Variants in IGF2BP2 observed in about 807,000 individuals in gnomAD.
IGF2BP2 encodes the protein insulin-like growth factor 2 mRNA-binding protein 2.
IGF2BP2 carries 17 observed loss-of-function variants against 75.8 expected under a neutral mutation model. That is an observed-to-expected ratio of 0.22 (90% CI 0.15 to 0.34). The LOEUF (loss-of-function observed/expected upper bound fraction) is 0.34. Among genes scored for constraint, IGF2BP2 ranks in the 10% least tolerant of loss-of-function variants. IGF2BP2 has a pLI of 1.00. For missense variants in IGF2BP2, 516 were observed against 772.4 expected, an observed-to-expected ratio of 0.67 and a Z score of 3.93; for synonymous variants, 288 against 295.6, an observed-to-expected ratio of 0.97 and a Z score of 0.26.
intron 12 of IGF2BP2, among the ~76,000 whole-genome samples, chr3:185,655,201 G>A (rs1226597267): frequency 1.3e-5 from 2 of 152,130 alleles, no homozygotes; most frequent in African/African-American, 2.4e-5. Context: ...GCGTGATCTC[G>A]GCTCACTGCA....
Position 185,812,680 on chromosome 3 carries a change from C to T in IGF2BP2, c.239+10473G>A, listed in dbSNP as rs544187616. Among the ~76,000 whole-genome samples the T allele has an allele frequency of 1.9e-3, 288 of 152,284 alleles. 3 individuals are homozygous for T. Among genetic ancestry groups the T allele is most frequent in the Non-Finnish European group, 3.5e-3 (236 of 68,016 alleles). On this transcript the variant is annotated intron_variant, in intron 2 of 15. Coordinates refer to ENST00000382199, the MANE Select transcript of IGF2BP2 (RefSeq NM_006548.6). ...AGCAAACCCCTTTTCTAAACCAAAT[C>T]TTAGACTCAACTCCAATTCTGTATA...
chr3:185,770,039 G>A (rs1268363971), intron 2 of IGF2BP2, among the ~76,000 whole-genome samples: 2 of 152,058 alleles, frequency 1.3e-5, no homozygotes, highest in East Asian at 1.9e-4. Flanking sequence ...GGGACCAGAG[G>A]CCCACACAAA....
At chr3:185,823,620 C>T (rs1052281457) in intron 1 of IGF2BP2, among the ~76,000 whole-genome samples, 30 of 152,170 alleles carry the variant, frequency 2.0e-4, no homozygotes, top group Admixed American at 1.8e-3. Context: ...CCCTCCCTGC[C>T]CTCTCCTCCC....
intron 2 of IGF2BP2, among the ~76,000 whole-genome samples, chr3:185,720,998 T>G (rs1224739356): frequency 6.6e-6 from 1 of 152,126 alleles, no homozygotes; most frequent in Non-Finnish European, 1.5e-5. Flanking sequence ...ACAAGTTGTG[T>G]GTGCACACGC....
At chr3:185,696,264 C>A (rs919928128) in intron 4 of IGF2BP2, among the ~76,000 whole-genome samples, 6 of 152,096 alleles carry the variant, frequency 3.9e-5, no homozygotes, top group Admixed American at 1.3e-4. Flanking sequence ...TTTTTCTTAT[C>A]CAGGGAAAGG....
intron 10 of IGF2BP2, among the ~76,000 whole-genome samples, chr3:185,668,034 G>A (rs930118369): frequency 4.6e-5 from 7 of 152,144 alleles, no homozygotes; most frequent in Non-Finnish European, 8.8e-5. Context: ...GAAAAAAAGT[G>A]TAACTTGTTT....
chr3:185,800,320 T>A (rs1430658154), intron 2 of IGF2BP2, among the ~76,000 whole-genome samples: 5 of 152,038 alleles, frequency 3.3e-5, no homozygotes. Flanking sequence ...GAGAAACACC[T>A]AATGTAAATG....
chr3:185,728,046 C>G (rs1197626947), intron 2 of IGF2BP2, among the ~76,000 whole-genome samples: 2 of 152,202 alleles, frequency 1.3e-5, no homozygotes, highest in Non-Finnish European at 2.9e-5. Flanking sequence ...TACCCTACAG[C>G]TGGAGAATGC....
chr3:185,780,067 G>C (rs540677562), intron 2 of IGF2BP2, among the ~76,000 whole-genome samples: 2 of 152,328 alleles, frequency 1.3e-5, no homozygotes, highest in African/African-American at 4.8e-5. Flanking sequence ...ATCATGGAAA[G>C]TTCTAGACAT....
At chr3:185,659,368 CTTTTA>C (rs1415499092) in intron 10 of IGF2BP2, among the ~76,000 whole-genome samples, 12 of 152,020 alleles carry the variant, frequency 7.9e-5, no homozygotes, top group East Asian at 1.9e-4. Flanking sequence ...AAAGTAGCTG[CTTTTA>C]TTTTATTTCT....
At chr3:185,731,045 T>A (rs546828885) in intron 2 of IGF2BP2, among the ~76,000 whole-genome samples, 25 of 152,246 alleles carry the variant, frequency 1.6e-4, no homozygotes, top group South Asian at 1.5e-3. Flanking sequence ...TGTAATTTTT[T>A]AAAAAAATGA....
intron 2 of IGF2BP2, among the ~76,000 whole-genome samples, chr3:185,746,921 C>T (rs1319955573): frequency 1.3e-5 from 2 of 152,098 alleles, no homozygotes; most frequent in Non-Finnish European, 2.9e-5. Context: ...TGTGACCCTG[C>T]TAAATTTTGA....
At chr3:185,766,473 CAT>C (rs1389368379) in intron 2 of IGF2BP2, among the ~76,000 whole-genome samples, 8 of 151,946 alleles carry the variant, frequency 5.3e-5, no homozygotes, top group African/African-American at 1.4e-4. Flanking sequence ...TATTCCGTGA[CAT>C]GTGAAAATTA....
intron 2 of IGF2BP2, chr3:185,712,501 C>T (rs1724951751): frequency 6.6e-6 from 1 of 152,130 alleles, no homozygotes; most frequent in Non-Finnish European, 1.5e-5. Flanking sequence ...GAGAGATATG[C>T]CAAGTGGGAA....
intron 2 of IGF2BP2, chr3:185,713,625 A>G (rs1372355797): frequency 7.4e-6 from 3 of 404,158 alleles, no homozygotes; most frequent in Non-Finnish European, 1.5e-5. Context: ...GATCTCAGCA[A>G]ATCTGAACAG....
intron 7 of IGF2BP2, among the ~76,000 whole-genome samples, chr3:185,678,545 A>G (rs1326052827): frequency 6.6e-6 from 1 of 152,184 alleles, no homozygotes; most frequent in Non-Finnish European, 1.5e-5. Context: ...TGAATTTTTT[A>G]AGATTTGTTT....
intron 7 of IGF2BP2, among the ~76,000 whole-genome samples, chr3:185,677,044 G>GATAGATATATATAT (rs1553855687): frequency 4.2e-5 from 1 of 23,860 alleles, no homozygotes; most frequent in Non-Finnish European, 6.5e-5. Context: ...TATATATGGA[G>GATAGATATATATAT]ATATATATAT....
intron 1 of IGF2BP2, among the ~76,000 whole-genome samples, chr3:185,823,866 AGTGTGT>A (rs774773269): frequency 6.7e-6 from 1 of 149,512 alleles, no homozygotes; most frequent in Non-Finnish European, 1.5e-5. Context: ...CGCGCGCGCG[AGTGTGT>A]GTGTGTGTCG....
intron 2 of IGF2BP2, among the ~76,000 whole-genome samples, chr3:185,778,680 C>G (rs933809639): frequency 6.6e-6 from 1 of 152,204 alleles, no homozygotes; most frequent in African/African-American, 2.4e-5. Context: ...AGCTCTTCTG[C>G]TAACCATGAA....
Sources: allele counts gnomAD v4.1 joint callset (sites outside exome capture counted in the v4.1 genomes callset), GRCh38; gene constraint gnomAD v4.1.1; transcripts MANE v1.5; gene names NCBI Gene and HGNC (gene_info 2026-07-23, HGNC 2026-07-21).